CA10: variants seen among roughly 807,000 people sequenced by gnomAD.
The protein encoded by CA10 is carbonic anhydrase 10 (inactive).
In CA10, 14 loss-of-function variants were observed where a neutral mutation model predicts 44.2. That is an observed-to-expected ratio of 0.32 (90% CI 0.21 to 0.50). The LOEUF (loss-of-function observed/expected upper bound fraction) is 0.50. Among genes scored for constraint, CA10 ranks in the 20% least tolerant of loss-of-function variants. The pLI is 0.99. For synonymous variants in CA10, 159 were observed against 141.6 expected, an observed-to-expected ratio of 1.12 and a Z score of -0.87; for missense variants, 350 against 409.7, an observed-to-expected ratio of 0.85 and a Z score of 1.26.
intron 2 of CA10, among the ~76,000 whole-genome samples, chr17:52,056,073 G>A (rs1987221097): frequency 6.6e-6 from 1 of 152,036 alleles, no homozygotes; most frequent in African/African-American, 2.4e-5. Flanking sequence ...GAGAAGAGGA[G>A]ATGGCAGATG....
chr17:51,978,080 TA>T (rs1984522026), intron 2 of CA10, among the ~76,000 whole-genome samples: 1 of 152,110 alleles, frequency 6.6e-6, no homozygotes, highest in Admixed American at 6.6e-5. Flanking sequence ...TCAGTATTAA[TA>T]AAAAGTCTTT....
At chr17:52,013,277 C>A (rs1254829582) in intron 2 of CA10, among the ~76,000 whole-genome samples, 2 of 151,378 alleles carry the variant, frequency 1.3e-5, no homozygotes, top group Non-Finnish European at 3.0e-5. Context: ...CTGTAAGAAT[C>A]AAAAATAATA....
In CA10 at chr17:51,879,248, A is replaced by AT. The variant is rs570212888; in HGVS notation, c.279+51741dup. 2.9e-3 allele frequency among the ~76,000 whole-genome samples: 440 copies of AT among 152,134 alleles called. 1 individual carries two copies. Among genetic ancestry groups the AT allele is most frequent in the Non-Finnish European group, 5.3e-3 (357 of 67,986 alleles). The stretch of plus-strand genomic sequence containing the variant: ...TCCACTGAACATGGTGTTACAGTGA[A>AT]TTTTTTCATGTGTAGCTCTATTTCT... On this transcript the variant is annotated intron_variant, in intron 3 of 8. Transcript: ENST00000451037.
chr17:51,630,319 G>GTAAC (rs1912508144), downstream of CA10: 1 of 152,596 alleles, frequency 6.6e-6, no homozygotes, highest in Non-Finnish European at 1.5e-5. Flanking sequence ...TGGGTACTGG[G>GTAAC]TAACTTGTTA....
At chr17:51,658,062 C>G (rs143223039) in intron 4 of CA10, among the ~76,000 whole-genome samples, 1 of 152,278 alleles carries the variant, frequency 6.6e-6, no homozygotes, top group African/African-American at 2.4e-5. Context: ...AAATGCAAGA[C>G]TGAGAAATGG....
intron 3 of CA10, among the ~76,000 whole-genome samples, chr17:51,888,991 A>G (rs570223931): frequency 6.6e-6 from 1 of 152,268 alleles, no homozygotes; most frequent in African/African-American, 2.4e-5. Flanking sequence ...CAAGGCTGAC[A>G]GTTGCTCTTA....
intron 3 of CA10, among the ~76,000 whole-genome samples, chr17:51,849,387 A>G (rs1978689677): frequency 6.6e-6 from 1 of 151,594 alleles, no homozygotes; most frequent in Non-Finnish European, 1.5e-5. Flanking sequence ...TGACCATTCA[A>G]ATAAATGGCT....
chr17:51,984,179 A>G (rs1466788794), intron 2 of CA10, among the ~76,000 whole-genome samples: 1 of 151,802 alleles, frequency 6.6e-6, no homozygotes, highest in African/African-American at 2.4e-5. Context: ...ACAGAATAGT[A>G]TGATGGGAAA....
chr17:51,733,716 A>G (rs911506292), intron 4 of CA10, among the ~76,000 whole-genome samples: 3 of 152,120 alleles, frequency 2.0e-5, no homozygotes, highest in African/African-American at 7.2e-5. Context: ...GCCGACACCA[A>G]TAGGATTCAC....
intron 3 of CA10, among the ~76,000 whole-genome samples, chr17:51,914,738 CCT>C (rs1301138510): frequency 3.3e-5 from 5 of 152,142 alleles, no homozygotes; most frequent in Non-Finnish European, 7.4e-5. Context: ...GTATTTCTCC[CCT>C]GTCTTCAGTT....
intron 8 of CA10, 67 bp downstream of exon 8, chr17:51,633,409 G>A: frequency 7.0e-7 from 1 of 1,427,340 alleles, no homozygotes; most frequent in Non-Finnish European, 9.5e-7. Context: ...AGGCCTTTAA[G>A]AACAGGTCTA....
chr17:51,719,795 G>A (rs189569914), intron 4 of CA10, among the ~76,000 whole-genome samples: 1 of 152,094 alleles, frequency 6.6e-6, no homozygotes, highest in Non-Finnish European at 1.5e-5. Context: ...AAGTTGAGGT[G>A]GGGGGTGTAT....
chr17:52,014,265 C>T (rs1349130115), intron 2 of CA10, among the ~76,000 whole-genome samples: 3 of 151,678 alleles, frequency 2.0e-5, no homozygotes, highest in African/African-American at 7.3e-5. Context: ...ACATCAGGAC[C>T]CATACAAGTA....
intron 3 of CA10, among the ~76,000 whole-genome samples, chr17:51,927,416 A>C (rs1982477279): frequency 6.6e-6 from 1 of 152,164 alleles, no homozygotes; most frequent in Admixed American, 6.5e-5. Flanking sequence ...GATATTTTAG[A>C]TCAGCAGATA....
At chr17:51,709,516 G>A (rs1369396619) in intron 4 of CA10, among the ~76,000 whole-genome samples, 1 of 152,152 alleles carries the variant, frequency 6.6e-6, no homozygotes, top group African/African-American at 2.4e-5. Flanking sequence ...CATATCACCT[G>A]GGAGTTTTTA....
chr17:51,687,094 A>T (rs1915034546), intron 4 of CA10, among the ~76,000 whole-genome samples: 2 of 152,186 alleles, frequency 1.3e-5, no homozygotes, highest in Non-Finnish European at 2.9e-5. Flanking sequence ...ATCCAAGCTC[A>T]TTGTCCTGAC....
At chr17:51,796,049 G>T (rs140461255) in intron 3 of CA10, among the ~76,000 whole-genome samples, 3 of 152,296 alleles carry the variant, frequency 2.0e-5, no homozygotes, top group African/African-American at 7.2e-5. Context: ...GTAAATAGCA[G>T]CAGTGAGACT....
intron 3 of CA10, among the ~76,000 whole-genome samples, chr17:51,901,136 G>A (rs1981294775): frequency 6.6e-6 from 1 of 152,048 alleles, no homozygotes; most frequent in South Asian, 2.1e-4. Context: ...TTATCTGTAT[G>A]GGCTGATGTT....
rs567760791 is a variant in CA10 at position 51,837,386 on chromosome 17, C to A, written c.280-89568G>T. ...AGGGCTGACATTTCTGAAGGTCTAC[C>A]TTTTGGCAAATTAGATGGATGGATT... On this transcript the variant is annotated intron_variant, in intron 3 of 8. Coordinates refer to ENST00000451037, the MANE Select transcript of CA10 (RefSeq NM_020178.5). 8.9e-4 allele frequency among the ~76,000 whole-genome samples: 136 copies of A among 152,272 alleles called. 1 individual carries two copies. Among genetic ancestry groups the A allele is most frequent in the African/African-American group, 3.1e-3 (130 of 41,552 alleles).
Sources: allele counts gnomAD v4.1 joint callset (sites outside exome capture counted in the v4.1 genomes callset), GRCh38; gene constraint gnomAD v4.1.1; transcripts MANE v1.5; gene names NCBI Gene and HGNC (gene_info 2026-07-23, HGNC 2026-07-21).